SH3TC1: variants seen among roughly 807,000 people sequenced by gnomAD.
SH3TC1 encodes the protein SH3 domain and tetratricopeptide repeat-containing protein 1.
In SH3TC1, 135 loss-of-function variants were observed where a neutral mutation model predicts 117.3. That is an observed-to-expected ratio of 1.15 (90% CI 1.00 to 1.33). The LOEUF (loss-of-function observed/expected upper bound fraction) is 1.33. Ranked by LOEUF, SH3TC1 falls within the 40% of genes most tolerant of loss-of-function variation. SH3TC1 has a pLI of 0.00. For synonymous variants in SH3TC1, 898 were observed against 816.9 expected (o/e 1.10, Z -1.69); for missense variants, 2,092 against 1,794.3 (o/e 1.17, Z -3.00).
intron 12 of SH3TC1, among the ~76,000 whole-genome samples, chr4:8,230,907 G>A (rs1721138300): frequency 6.6e-6 from 1 of 151,314 alleles, no homozygotes; most frequent in South Asian, 2.1e-4. Flanking sequence ...GGCCTCCTGA[G>A]TAGCTGGGAT....
chr4:8,214,029 A>G (rs1323165970), intron 4 of SH3TC1, among the ~76,000 whole-genome samples: 1 of 152,000 alleles, frequency 6.6e-6, no homozygotes, highest in African/African-American at 2.4e-5. Context: ...CCCTATCAAC[A>G]CTGATTAATA....
In SH3TC1 at chr4:8,209,520, T is replaced by A; in HGVS notation, c.173-228T>A. The A allele has an allele frequency of 1.1e-6, 1 of 901,238 alleles. No homozygotes were observed. The highest frequency in any genetic ancestry group is 1.7e-6 in the Non-Finnish European group (1 of 590,376). The allele number at this position is 901,238 out of a possible 1,614,324, so 55.8% of individuals were successfully genotyped here. ...CGGGATCATACGAGTCGTGTGGTCT[T>A]AAGCCTCTGAGTGTGGGGCAGCTTG... On this transcript the variant is annotated intron_variant, in intron 2 of 17. Coordinates refer to ENST00000245105, the MANE Select transcript of SH3TC1 (RefSeq NM_018986.5). This position sits in a 1 kb window ranked among gnomAD's most constrained non-coding sequence, Gnocchi z 5.9.
At chr4:8,184,704 G>A (rs1325768246) in intron 1 of SH3TC1, among the ~76,000 whole-genome samples, 1 of 152,156 alleles carries the variant, frequency 6.6e-6, no homozygotes, top group Non-Finnish European at 1.5e-5. Flanking sequence ...CAGCCAGAGT[G>A]GAATGCATCT....
chr4:8,184,116 G>A (rs1222555453), intron 1 of SH3TC1, among the ~76,000 whole-genome samples: 1 of 152,162 alleles, frequency 6.6e-6, no homozygotes, highest in Non-Finnish European at 1.5e-5. Context: ...CACCAACCAT[G>A]TATATATGCA....
In SH3TC1 at chr4:8,235,546, C is replaced by T. The variant is rs201857215; in HGVS notation, c.3396C>T (p.Ser1132=). ...CCTGGGAGCGGGAGAAAGCTGTGTC[C>T]TTCTACCGGGTGAGCTGGCCTGTGG... The part of the protein sequence containing the change: ...DGAWEREKAV[S]FYRDRALPLA... Residue 1132 remains serine, a synonymous_variant, in exon 15 of 18, where the codon TCC becomes TCT. Coordinates refer to ENST00000245105, the MANE Select transcript of SH3TC1 (RefSeq NM_018986.5). 1 of 1,598,114 alleles carries T rather than the reference C, an allele frequency of 6.3e-7. No individual in the cohort carries two copies. The highest frequency in any genetic ancestry group is 8.5e-7 in the Non-Finnish European group (1 of 1,171,332).
intron 17 of SH3TC1, among the ~76,000 whole-genome samples, chr4:8,239,619 C>T (rs569854024): frequency 5.3e-5 from 8 of 151,916 alleles, no homozygotes; most frequent in African/African-American, 7.2e-5. Flanking sequence ...CAGGCATACA[C>T]GGACACAGGC....
chr4:8,234,617 A>C (rs1721642661), intron 14 of SH3TC1, among the ~76,000 whole-genome samples: 1 of 152,154 alleles, frequency 6.6e-6, no homozygotes, highest in African/African-American at 2.4e-5. Context: ...GTACCTATAC[A>C]TCTGCTCATC....
At chr4:8,232,698 C>T in intron 13 of SH3TC1, 1 of 1,290,416 alleles carries the variant, frequency 7.7e-7, no homozygotes, top group East Asian at 5.5e-5. Context: ...CTGGCCACCC[C>T]ACCCACAGGG....
chr4:8,206,356 G>A lies in SH3TC1; in HGVS notation c.172+990G>A, dbSNP rs760622476. ...GGGGAGCCCACCTGGCCATGGAATC[G>A]CGTTCCCTCCAGGGCAGGCCTCATG... On this transcript the variant is annotated intron_variant, in intron 2 of 17. Transcript: ENST00000245105. This position sits in a 1 kb window ranked among gnomAD's most constrained non-coding sequence, Gnocchi z 5.5. Among the ~76,000 whole-genome samples the A allele has an allele frequency of 7.3e-5, 11 of 151,432 alleles. No individual in the cohort carries two copies. Among genetic ancestry groups the A allele is most frequent in the African/African-American group, 1.2e-4 (5 of 41,224 alleles).
intron 8 of SH3TC1, among the ~76,000 whole-genome samples, chr4:8,218,920 G>A (rs1719610616): frequency 6.6e-6 from 1 of 151,984 alleles, no homozygotes; most frequent in South Asian, 2.1e-4. Flanking sequence ...AGAGCTGCCG[G>A]TGTCTGGGTG....
At chr4:8,185,438 G>T (rs1353969103) in intron 1 of SH3TC1, among the ~76,000 whole-genome samples, 1 of 151,998 alleles carries the variant, frequency 6.6e-6, no homozygotes, top group Non-Finnish European at 1.5e-5. Context: ...GCATCATCCA[G>T]AATAGTTTCA....
chr4:8,220,906 C>T (rs1210014762), intron 9 of SH3TC1, among the ~76,000 whole-genome samples: 1 of 152,262 alleles, frequency 6.6e-6, no homozygotes, highest in Non-Finnish European at 1.5e-5. Context: ...AGGAGCTAGA[C>T]CAGCAGTTCC....
intron 15 of SH3TC1, chr4:8,236,023 C>A (rs567613821): frequency 9.6e-6 from 5 of 519,620 alleles, no homozygotes; most frequent in Non-Finnish European, 1.4e-5. Flanking sequence ...GTGCAGGCTC[C>A]CCCCAGTCAG....
chr4:8,203,959 C>T (rs1353393860), intron 1 of SH3TC1, among the ~76,000 whole-genome samples: 1 of 152,168 alleles, frequency 6.6e-6, no homozygotes, highest in Non-Finnish European at 1.5e-5. Context: ...TGGGGGTTGT[C>T]CTGGCAGCTG....
rs114810833 is a variant in SH3TC1 at position 8,191,509 on chromosome 4, C to T, written c.-57+9299C>T. ...GAGCTCTGCTCTTCTGATCAGGGGC[C>T]GGTTTCAGCAGCAAAGGCCAGAAAT... is the stretch of plus-strand genomic sequence containing the variant. On this transcript the variant is annotated intron_variant, in intron 1 of 16. Transcript: ENST00000508641. Among the ~76,000 whole-genome samples, 521 of 152,308 alleles carry T rather than the reference C, an allele frequency of 3.4e-3. 2 individuals carry two copies. The highest frequency in any genetic ancestry group is 0.012 in the African/African-American group (493 of 41,560).
At chr4:8,207,771 A>T (rs113319427) in intron 2 of SH3TC1, among the ~76,000 whole-genome samples, 1,547 of 152,308 alleles carry the variant, frequency 0.01, 19 homozygotes, top group African/African-American at 0.035. Context: ...GACATGAGAT[A>T]TTCCAGGCTT....
chr4:8,216,390 G>C, intron 6 of SH3TC1, 133 bp downstream of exon 6: 1 of 1,358,656 alleles, frequency 7.4e-7, no homozygotes, highest in Non-Finnish European at 9.9e-7. Flanking sequence ...AGGCTGAGGG[G>C]TGCTTCAGGC....
Position 8,209,852 on chromosome 4 carries a change from C to A in SH3TC1, c.247+30C>A, listed in dbSNP as rs1448211062. The A allele has an allele frequency of 6.2e-7, 1 of 1,606,558 alleles. No homozygotes were observed. Among genetic ancestry groups the A allele is most frequent in the African/African-American group, 1.3e-5 (1 of 74,834 alleles). ...ACATCCTGGGCCCTACACAGGGCTT[C>A]AGGTTCAAATCCGGGCTGTGCCGCT... is the stretch of plus-strand genomic sequence containing the variant. On this transcript the variant is annotated intron_variant, in intron 3 of 17. Transcript: ENST00000245105. This position sits in a 1 kb window ranked among gnomAD's most constrained non-coding sequence, Gnocchi z 5.9.
In SH3TC1 at chr4:8,190,147, A is replaced by G. The variant is rs1395348267; in HGVS notation, c.-57+7937A>G. 2.0e-5 allele frequency among the ~76,000 whole-genome samples: 3 copies of G among 152,188 alleles called. No homozygotes were observed. Among genetic ancestry groups the G allele is most frequent in the African/African-American group, 7.2e-5 (3 of 41,458 alleles). On this transcript the variant is annotated intron_variant, in intron 1 of 16. Transcript: ENST00000508641. This position sits in a 1 kb window ranked among gnomAD's most constrained non-coding sequence, Gnocchi z 4.7. The stretch of plus-strand genomic sequence containing the variant: ...TGCGATCACCAGTGTGCTCCCCGTG[A>G]CATCTGGCCCAGTCCAGGTGGGTAG...
Sources: allele counts gnomAD v4.1 joint callset (sites outside exome capture counted in the v4.1 genomes callset), GRCh38; gene constraint gnomAD v4.1.1; non-coding constraint Gnocchi (gnomAD v3.1); transcripts MANE v1.5; gene names NCBI Gene and HGNC (gene_info 2026-07-23, HGNC 2026-07-21).